HPSE2: variants seen among roughly 807,000 people sequenced by gnomAD.
The protein encoded by HPSE2 is heparanase 2 (inactive).
In HPSE2, 38 loss-of-function variants were observed where a neutral mutation model predicts 60.5. The ratio of observed to expected loss-of-function variants is 0.63; its 90% CI spans 0.48 to 0.82. HPSE2 has a LOEUF of 0.82. Among genes scored for constraint, HPSE2 ranks in the 40% least tolerant of loss-of-function variants. HPSE2 has a pLI of 0.00. For synonymous variants in HPSE2, 295 were observed against 293.2 expected (o/e 1.01, Z -0.06); for missense variants, 713 against 740.4 (o/e 0.96, Z 0.43).
chr10:99,003,030 C>T (rs898981304), intron 3 of HPSE2, among the ~76,000 whole-genome samples: 5 of 152,012 alleles, frequency 3.3e-5, no homozygotes, highest in Non-Finnish European at 7.4e-5. Context: ...TCCTCCCTAT[C>T]CCCTGGTAAC....
At chr10:99,016,326 G>A (rs577942176) in intron 3 of HPSE2, among the ~76,000 whole-genome samples, 7 of 151,950 alleles carry the variant, frequency 4.6e-5, no homozygotes, top group South Asian at 4.2e-4. Context: ...CAGGTTTGTC[G>A]AAGATCAGAC....
chr10:99,008,271 C>T (rs1386007929), intron 3 of HPSE2, among the ~76,000 whole-genome samples: 3 of 152,160 alleles, frequency 2.0e-5, no homozygotes, highest in African/African-American at 7.2e-5. Flanking sequence ...TCTTTTTTTA[C>T]ACTAGCAAGG....
intron 9 of HPSE2, among the ~76,000 whole-genome samples, chr10:98,507,700 A>C (rs150562112): frequency 5.3e-5 from 8 of 151,900 alleles, no homozygotes; most frequent in African/African-American, 1.9e-4. Context: ...TATGTAATCC[A>C]GCTCTCAGCA....
At chr10:98,777,119 C>T (rs959271443) in intron 3 of HPSE2, among the ~76,000 whole-genome samples, 9 of 152,112 alleles carry the variant, frequency 5.9e-5, no homozygotes, top group African/African-American at 1.9e-4. Context: ...AACTTTTCTT[C>T]CAGTAGACAA....
At chr10:98,949,842 G>A (rs1955302671) in intron 3 of HPSE2, among the ~76,000 whole-genome samples, 1 of 152,038 alleles carries the variant, frequency 6.6e-6, no homozygotes, top group Admixed American at 6.6e-5. Context: ...GCATCCCACT[G>A]AAGAAAAAAG....
chr10:98,542,128 A>C (rs1359967824), intron 9 of HPSE2, among the ~76,000 whole-genome samples: 1 of 152,014 alleles, frequency 6.6e-6, no homozygotes, highest in Non-Finnish European at 1.5e-5. Context: ...TCTGAGACAA[A>C]ACTTCCAGAG....
chr10:98,712,563 A>G (rs1948700646), intron 5 of HPSE2, among the ~76,000 whole-genome samples: 2 of 152,132 alleles, frequency 1.3e-5, no homozygotes, highest in African/African-American at 4.8e-5. Flanking sequence ...GACACAACTA[A>G]AGACAGAAAT....
intron 3 of HPSE2, among the ~76,000 whole-genome samples, chr10:98,902,982 T>C (rs534333613): frequency 2.2e-4 from 33 of 152,260 alleles, no homozygotes; most frequent in African/African-American, 6.5e-4. Context: ...ACAATGCTTA[T>C]AGCAGTATTA....
chr10:98,505,532 A>G (rs572345472), intron 9 of HPSE2, among the ~76,000 whole-genome samples: 1 of 152,302 alleles, frequency 6.6e-6, no homozygotes, highest in East Asian at 1.9e-4. Flanking sequence ...CTCTTGATTT[A>G]CATCCTTGCC....
intron 9 of HPSE2, among the ~76,000 whole-genome samples, chr10:98,607,224 C>G (rs560236145): frequency 2.0e-5 from 3 of 152,098 alleles, no homozygotes; most frequent in African/African-American, 7.2e-5. Flanking sequence ...GCTGTCTGCA[C>G]GTTGCTTCAA....
intron 3 of HPSE2, among the ~76,000 whole-genome samples, chr10:99,064,219 T>C (rs1471334021): frequency 6.6e-6 from 1 of 152,116 alleles, no homozygotes. Context: ...ATGTATTTTA[T>C]TTAAATATAT....
chr10:98,617,897 C>T (rs1012151017), intron 8 of HPSE2, among the ~76,000 whole-genome samples: 36 of 152,196 alleles, frequency 2.4e-4, no homozygotes, highest in South Asian at 1.2e-3. Context: ...GCAGAGAATC[C>T]CAATTTATGC....
chr10:98,819,166 G>A (rs1951360457), intron 3 of HPSE2, among the ~76,000 whole-genome samples: 1 of 152,092 alleles, frequency 6.6e-6, no homozygotes, highest in Non-Finnish European at 1.5e-5. Flanking sequence ...GACTGAGGGT[G>A]CTCCAAAAAA....
chr10:98,702,757 C>T (rs555963207), intron 5 of HPSE2, among the ~76,000 whole-genome samples: 3 of 152,226 alleles, frequency 2.0e-5, no homozygotes, highest in African/African-American at 7.2e-5. Context: ...GACGAGACAA[C>T]GTACCAGAAT....
the HPSE2 span, among the ~76,000 whole-genome samples, chr10:99,307,380 G>C: frequency 6.6e-6 from 1 of 152,160 alleles, no homozygotes; most frequent in Non-Finnish European, 1.5e-5. Context: ...TGTGACTATT[G>C]ATTGTGCACC....
At chr10:98,910,761 G>A (rs188192739) in intron 3 of HPSE2, among the ~76,000 whole-genome samples, 4 of 152,132 alleles carry the variant, frequency 2.6e-5, no homozygotes, top group South Asian at 4.2e-4. Context: ...AACTCATGTC[G>A]GCTGATCATA....
intron 3 of HPSE2, among the ~76,000 whole-genome samples, chr10:98,956,929 A>G (rs1203904120): frequency 1.3e-5 from 2 of 152,214 alleles, no homozygotes; most frequent in Non-Finnish European, 2.9e-5. Flanking sequence ...GAAGTGGGAA[A>G]GAACTCTGTA....
At chr10:98,826,051 T>C (rs1951539657) in intron 3 of HPSE2, among the ~76,000 whole-genome samples, 1 of 152,238 alleles carries the variant, frequency 6.6e-6, no homozygotes, top group Non-Finnish European at 1.5e-5. Context: ...TTTTCAGTCA[T>C]TTAACACATC....
chr10:99,088,436 C>T (rs1564796753), intron 3 of HPSE2, among the ~76,000 whole-genome samples: 2 of 152,118 alleles, frequency 1.3e-5, no homozygotes, highest in Admixed American at 1.3e-4. Context: ...TTAGCTCCCA[C>T]CTGAGTGAGA....
Sources: allele counts gnomAD v4.1 joint callset (sites outside exome capture counted in the v4.1 genomes callset), GRCh38; gene constraint gnomAD v4.1.1; transcripts MANE v1.5; gene names NCBI Gene and HGNC (gene_info 2026-07-23, HGNC 2026-07-21).